ZNF595: variants seen among roughly 807,000 people sequenced by gnomAD.
The protein encoded by ZNF595 is zinc finger protein 595.
A neutral mutation model predicts 19.4 loss-of-function variants in ZNF595; 9 were observed. The observed-to-expected ratio is 0.46, with a 90% CI of 0.28 to 0.81. The LOEUF is 0.81. Ranked by LOEUF, ZNF595 falls within the 30% of genes least tolerant of loss-of-function variation. The probability of loss-of-function intolerance (pLI) is 0.11; values close to 1 mark genes in which losing one functional copy is unlikely to be tolerated. For synonymous variants in ZNF595, 255 were observed against 255.9 expected, an observed-to-expected ratio of 1.00 and a Z score of 0.03; for missense variants, 729 against 736.0, an observed-to-expected ratio of 0.99 and a Z score of 0.11.
At chr4:77,827 C>T (rs1318056698) in intron 3 of ZNF595, among the ~76,000 whole-genome samples, 1 of 152,034 alleles carries the variant, frequency 6.6e-6, no homozygotes, top group African/African-American at 2.4e-5. Context: ...TAAATGTGAG[C>T]AGGTGTGGCT....
chr4:86,179 G>C lies in ZNF595; in HGVS notation c.675G>C (p.Glu225Asp), dbSNP rs1714155411. Residue 225 changes from glutamate (E) to aspartate (D), a missense_variant, in exon 4 of 4, where the codon GAG (glutamate) becomes GAC (aspartate). By Grantham distance (45) the Glu-to-Asp change is conservative. Transcript: ENST00000610261. ...LSKHKRIHTG[E>D]KPYTCEECGK... is the part of the protein sequence containing the mutation. ...AACATAAGAGAATTCATACTGGAGAGAAACCCTACACATGTGAAGAATGTG... is the reference window on the plus strand; with the variant it reads ...AACATAAGAGAATTCATACTGGAGACAAACCCTACACATGTGAAGAATGTG... 6.2e-7 allele frequency: 1 copy of C among 1,613,782 alleles called. No individual in the cohort carries two copies. The highest frequency in any genetic ancestry group is 1.7e-5 in the Admixed American group (1 of 60,012).
Position 86,162 on chromosome 4 carries a change from A to C in ZNF595, c.658A>C (p.Arg220=). 1 of 1,613,780 alleles carries C rather than the reference A, an allele frequency of 6.2e-7. No individual in the cohort carries two copies. Among genetic ancestry groups the C allele is most frequent in the Non-Finnish European group, 8.5e-7 (1 of 1,179,866 alleles). The change falls in exon 4 of 4, where the codon AGA becomes CGA. Residue 220 remains arginine (R), a synonymous_variant. Transcript: ENST00000610261. ...GTCCACATCACTTAGTAAACATAAG[A>C]GAATTCATACTGGAGAGAAACCCTA... ...NRSTSLSKHK[R]IHTGEKPYTC...
Position 85,994 on chromosome 4 carries a change from A to G in ZNF595, c.490A>G (p.Lys164Glu). The G allele has an allele frequency of 6.2e-7, 1 of 1,607,964 alleles. No individual in the cohort carries two copies. Among genetic ancestry groups the G allele is most frequent in the African/African-American group, 1.3e-5 (1 of 74,882 alleles). The change falls in exon 4 of 4, where the codon AAG becomes GAG. Residue 164 changes from lysine to glutamate, a missense_variant. Lys to Glu is a moderately conservative substitution (Grantham distance 56, BLOSUM62 1). This residue lies in a region of ZNF595 where 729 missense variants were observed against 675.3 expected (regional missense o/e 1.08). Coordinates refer to ENST00000610261, the MANE Select transcript of ZNF595 (RefSeq NM_182524.4). ...FSKFSNSNKH[K>E]IRHTGEKPFK... ...TAAATTTTCAAATTCAAACAAACAT[A>G]AGATAAGACATACTGGAGAGAAACC... is the stretch of plus-strand genomic sequence containing the variant.
At chr4:84,837 T>C (rs2108762931) in intron 3 of ZNF595, among the ~76,000 whole-genome samples, 1 of 152,332 alleles carries the variant, frequency 6.6e-6, no homozygotes, top group South Asian at 2.1e-4. Flanking sequence ...TAGTTGTATG[T>C]GTTCCCCTTT....
In ZNF595 at chr4:86,564, A is replaced by T; in HGVS notation, c.1060A>T (p.Ser354Cys). The T allele has an allele frequency of 6.2e-7, 1 of 1,613,428 alleles. No individual in the cohort carries two copies. The highest frequency in any genetic ancestry group is 8.5e-7 in the Non-Finnish European group (1 of 1,179,760). The change falls in exon 4 of 4, where the codon AGT (serine) becomes TGT (cysteine). Residue 354 changes from serine to cysteine, a missense_variant. Around this residue, in one of 2 missense-constraint regions of ZNF595, gnomAD observed 729 missense variants for 675.3 expected, o/e 1.08. Coordinates refer to ENST00000610261, the MANE Select transcript of ZNF595 (RefSeq NM_182524.4). ...TGGCAAAGCTTTTAACCAATCCTCA[A>T]GTCTTATTATACACAGGAGCATTCA... ...KCGKAFNQSS[S>C]LIIHRSIHSE...
intron 3 of ZNF595, among the ~76,000 whole-genome samples, chr4:65,212 C>T (rs1216126236): frequency 3.3e-4 from 46 of 138,530 alleles, no homozygotes; most frequent in Non-Finnish European, 5.6e-4. Context: ...AGTTGGCCAC[C>T]TGGGTGAGGG....
intron 3 of ZNF595, among the ~76,000 whole-genome samples, chr4:72,907 C>A (rs569960978): frequency 6.6e-6 from 1 of 152,258 alleles, no homozygotes; most frequent in Non-Finnish European, 1.5e-5. Context: ...TTGTTACTTA[C>A]TGGGGAACCT....
chr4:71,875 T>A (rs1713446598), intron 3 of ZNF595, among the ~76,000 whole-genome samples: 1 of 152,076 alleles, frequency 6.6e-6, no homozygotes, highest in East Asian at 1.9e-4. Flanking sequence ...CCAACAACAT[T>A]GAATGTTCAT....
intron 3 of ZNF595, among the ~76,000 whole-genome samples, chr4:80,573 G>T (rs926262539): frequency 6.6e-6 from 1 of 152,024 alleles, no homozygotes; most frequent in Admixed American, 6.6e-5. Flanking sequence ...GAGAGTCAGC[G>T]AAGGGAGATA....
At chr4:74,490 C>T (rs1713563510) in intron 3 of ZNF595, among the ~76,000 whole-genome samples, 1 of 152,144 alleles carries the variant, frequency 6.6e-6, no homozygotes, top group Admixed American at 6.5e-5. Flanking sequence ...AGACAGGTCT[C>T]AGTTAATTTA....
chr4:82,618 A>C (rs1246260961), intron 3 of ZNF595, among the ~76,000 whole-genome samples: 3 of 151,908 alleles, frequency 2.0e-5, no homozygotes, highest in African/African-American at 7.3e-5. Flanking sequence ...TAATGACCTC[A>C]AGTGATCTGC....
intron 3 of ZNF595, among the ~76,000 whole-genome samples, chr4:84,465 G>C (rs1017024572): frequency 6.4e-4 from 97 of 152,120 alleles, no homozygotes; most frequent in Non-Finnish European, 1.8e-4. Flanking sequence ...TTTTAGGACA[G>C]TTTTGCATGT....
intron 1 of ZNF595, among the ~76,000 whole-genome samples, chr4:54,017 C>T (rs12499132): frequency 5.0e-5 from 1 of 20,090 alleles, no homozygotes; most frequent in Admixed American, 1.1e-3. Flanking sequence ...GTCCCTTTGC[C>T]CTGTGCACCT....
At chr4:77,534 A>G (rs1713722432) in intron 3 of ZNF595, among the ~76,000 whole-genome samples, 2 of 151,882 alleles carry the variant, frequency 1.3e-5, no homozygotes, top group Admixed American at 1.3e-4. Flanking sequence ...TACCTCTTTC[A>G]GTCATTACAG....
chr4:70,819 T>C (rs376147758), intron 3 of ZNF595, among the ~76,000 whole-genome samples: 1 of 152,368 alleles, frequency 6.6e-6, no homozygotes. Flanking sequence ...ACAGTGACTT[T>C]GGCTATTCTG....
intron 3 of ZNF595, among the ~76,000 whole-genome samples, chr4:76,082 T>G (rs1215581411): frequency 6.6e-6 from 1 of 152,004 alleles, no homozygotes; most frequent in Admixed American, 6.6e-5. Context: ...TTTGTAGAGA[T>G]AGGGTTTTGC....
Position 87,775 on chromosome 4 carries a change from C to T in ZNF595, c.*324C>T, listed in dbSNP as rs1435612478. ...TCGTTCTGTCGCCCAGGCTGGAGCG[C>T]AGTGGTGCGATCTTGGCTCACTGCA... On this transcript the variant is annotated 3_prime_UTR_variant, in exon 4 of 4. Transcript: ENST00000610261. 6.5e-6 allele frequency: 1 copy of T among 154,008 alleles called. No homozygotes were observed. The highest frequency in any genetic ancestry group is 2.6e-5 in the African/African-American group (1 of 38,734). The allele number at this position is 154,008 out of a possible 1,614,324, so 9.5% of individuals were successfully genotyped here. A position where few individuals can be genotyped will look rare whatever the true frequency, so the allele number is the denominator to read the frequency against.
At position 86,817 on chromosome 4, in the gene ZNF595, C is replaced by T. The variant is rs781901175; in HGVS notation, c.1313C>T (p.Thr438Ile). The change falls in exon 4 of 4, where the codon ACT becomes ATT. Residue 438 changes from threonine to isoleucine, a missense_variant. Thr to Ile is a moderately conservative substitution (Grantham distance 89, BLOSUM62 -1). Around this residue, in one of 2 missense-constraint regions of ZNF595, gnomAD observed 729 missense variants for 675.3 expected, o/e 1.08. Coordinates refer to ENST00000610261, the MANE Select transcript of ZNF595 (RefSeq NM_182524.4). ...GGCAAAGCTTTTAACCAATCCTCAA[C>T]TCTTATATTACACAAGAGAATCCAT... ...ECGKAFNQSS[T>I]LILHKRIHSG... 1.1e-5 allele frequency: 18 copies of T among 1,613,162 alleles called. No individual in the cohort carries two copies. In the South Asian group the frequency reaches 1.6e-4, roughly 15 times the overall value.
chr4:76,163 G>A (rs1176738997), intron 3 of ZNF595, among the ~76,000 whole-genome samples: 2 of 152,096 alleles, frequency 1.3e-5, no homozygotes, highest in African/African-American at 2.4e-5. Context: ...CAAAGTGCTA[G>A]GATTATCAGC....
Sources: gnomAD v4.1 joint callset for allele counts (sites outside exome capture counted in the v4.1 genomes callset) on GRCh38, gnomAD v4.1.1 for gene constraint, gnomAD v4.1.1 regional missense constraint, MANE v1.5 for transcripts, NCBI Gene and HGNC (gene_info 2026-07-23, HGNC 2026-07-21) for gene names.